The following SCRG1 variants were observed in gnomAD, a reference collection of about 807,000 sequenced individuals.
SCRG1 encodes scrapie-responsive protein 1.
A neutral mutation model predicts 7.7 loss-of-function variants in SCRG1; 3 were observed. The observed-to-expected ratio is 0.39, with a 90% CI of 0.18 to 1.01. The LOEUF is 1.01. SCRG1 is among the 50% of genes least tolerant of loss of function. The pLI, the probability that SCRG1 is intolerant of heterozygous loss-of-function variation, is 0.36. For missense variants in SCRG1, 110 were observed against 117.2 expected, an observed-to-expected ratio of 0.94 and a Z score of 0.28; for synonymous variants, 46 against 41.2, an observed-to-expected ratio of 1.12 and a Z score of -0.44.
chr4:173,400,309 G>A (rs1432093124), upstream of SCRG1, among the ~76,000 whole-genome samples: 4 of 152,200 alleles, frequency 2.6e-5, no homozygotes, highest in Admixed American at 6.5e-5. Context: ...GCCTTTGGAC[G>A]ATGATACTGT....
the SCRG1 span, among the ~76,000 whole-genome samples, chr4:173,476,094 A>G: frequency 1.3e-5 from 2 of 151,868 alleles, no homozygotes; most frequent in East Asian, 1.9e-4. Context: ...TTTATATTAT[A>G]TATATTTTAT....
At chr4:173,503,052 G>A in the SCRG1 span, among the ~76,000 whole-genome samples, 2 of 152,306 alleles carry the variant, frequency 1.3e-5, no homozygotes, top group East Asian at 3.9e-4. The surrounding 1 kb of genome is among the most constrained non-coding windows in gnomAD (Gnocchi z 6.4). Context: ...TCAGGGAGGG[G>A]CAGTGGAATT....
the SCRG1 span, among the ~76,000 whole-genome samples, chr4:173,442,745 G>C: frequency 6.6e-6 from 1 of 152,156 alleles, no homozygotes; most frequent in African/African-American, 2.4e-5. Flanking sequence ...ATATCATCGT[G>C]GAAGGGCAAG....
the SCRG1 span, among the ~76,000 whole-genome samples, chr4:173,515,060 G>C: frequency 6.6e-6 from 1 of 152,190 alleles, no homozygotes; most frequent in African/African-American, 2.4e-5. This position sits in a 1 kb window ranked among gnomAD's most constrained non-coding sequence, Gnocchi z 4.6. Flanking sequence ...ATTTCACATA[G>C]TGACCAGGAG....
the SCRG1 span, among the ~76,000 whole-genome samples, chr4:173,477,570 G>C: frequency 2.6e-5 from 4 of 152,266 alleles, no homozygotes; most frequent in East Asian, 3.9e-4. Context: ...TTCTATCTGG[G>C]AGTGGAGGAA....
the SCRG1 span, among the ~76,000 whole-genome samples, chr4:173,518,539 C>T: frequency 6.6e-6 from 1 of 152,254 alleles, no homozygotes; most frequent in East Asian, 1.9e-4. Flanking sequence ...CTCTATGCTC[C>T]CCCTCTCACC....
At chr4:173,391,134 C>T in intron 2 of SCRG1, 39 bp downstream of exon 2, 7 of 1,605,614 alleles carry the variant, frequency 4.4e-6, no homozygotes, top group Non-Finnish European at 6.0e-6. Context: ...GTTCTGCATA[C>T]ATTTCCAGGC....
the SCRG1 span, among the ~76,000 whole-genome samples, chr4:173,436,000 G>C: frequency 2.6e-5 from 4 of 152,194 alleles, no homozygotes; most frequent in African/African-American, 9.7e-5. Flanking sequence ...AGTTTTGGCA[G>C]TGAAACAGCT....
the SCRG1 span, among the ~76,000 whole-genome samples, chr4:173,457,201 T>C: frequency 2.6e-5 from 4 of 152,186 alleles, no homozygotes; most frequent in Non-Finnish European, 5.9e-5. Context: ...AGAGGGGACT[T>C]TTCCACAAAG....
the SCRG1 span, among the ~76,000 whole-genome samples, chr4:173,413,385 C>T: frequency 6.6e-6 from 1 of 152,202 alleles, no homozygotes; most frequent in African/African-American, 2.4e-5. Context: ...ATTACAAGCT[C>T]ATTCCACAGA....
chr4:173,508,294 T>A, the SCRG1 span, among the ~76,000 whole-genome samples: 2 of 152,256 alleles, frequency 1.3e-5, no homozygotes, highest in Admixed American at 1.3e-4. This position sits in a 1 kb window ranked among gnomAD's most constrained non-coding sequence, Gnocchi z 4.4. Flanking sequence ...TGGGAAGAGA[T>A]GACAAGAGGT....
At chr4:173,518,470 C>T in the SCRG1 span, among the ~76,000 whole-genome samples, 4 of 152,222 alleles carry the variant, frequency 2.6e-5, no homozygotes, top group Non-Finnish European at 5.9e-5. Flanking sequence ...GAATGCGAAA[C>T]TCGGGACCCA....
chr4:173,492,376 C>G, the SCRG1 span, among the ~76,000 whole-genome samples: 1 of 152,140 alleles, frequency 6.6e-6, no homozygotes, highest in Non-Finnish European at 1.5e-5. Flanking sequence ...TTGACGACCT[C>G]TCCTGGATTG....
At chr4:173,423,263 A>G in the SCRG1 span, among the ~76,000 whole-genome samples, 1 of 152,346 alleles carries the variant, frequency 6.6e-6, no homozygotes, top group East Asian at 1.9e-4. Flanking sequence ...TCTTTTGAAG[A>G]TGTTTTTAAT....
chr4:173,480,369 TG>T, the SCRG1 span, among the ~76,000 whole-genome samples: 2 of 152,046 alleles, frequency 1.3e-5, no homozygotes, highest in Non-Finnish European at 2.9e-5. Context: ...TTGTTTGTTT[TG>T]TTTTTTTTTA....
chr4:173,502,505 C>T, the SCRG1 span, among the ~76,000 whole-genome samples: 1 of 152,184 alleles, frequency 6.6e-6, no homozygotes, highest in Non-Finnish European at 1.5e-5. This position sits in a 1 kb window ranked among gnomAD's most constrained non-coding sequence, Gnocchi z 4.6. Flanking sequence ...TGTTTCCGCT[C>T]TCCGTTGCCT....
the SCRG1 span, among the ~76,000 whole-genome samples, chr4:173,465,305 CA>C: frequency 6.6e-6 from 1 of 152,144 alleles, no homozygotes; most frequent in South Asian, 2.1e-4. Context: ...ACAACACACA[CA>C]AAATCCTGAC....
chr4:173,482,956 G>GTTGTATATATAATATATAATATATTA, the SCRG1 span, among the ~76,000 whole-genome samples: 1 of 131,054 alleles, frequency 7.6e-6, no homozygotes, highest in Non-Finnish European at 1.5e-5. Flanking sequence ...ATAATATATT[G>GTTGTATATATAATATATAATATATTA]TACATATTGT....
chr4:173,507,296 G>A, the SCRG1 span, among the ~76,000 whole-genome samples: 1 of 152,098 alleles, frequency 6.6e-6, no homozygotes, highest in Non-Finnish European at 1.5e-5. The surrounding 1 kb of genome is among the most constrained non-coding windows in gnomAD (Gnocchi z 4.4). Flanking sequence ...TGCAACCTCC[G>A]CCTCCCGGGT....
Sources: gnomAD v4.1 joint callset for allele counts (sites outside exome capture counted in the v4.1 genomes callset) on GRCh38, gnomAD v4.1.1 for gene constraint, Gnocchi (gnomAD v3.1) non-coding constraint, MANE v1.5 for transcripts, NCBI Gene and HGNC (gene_info 2026-07-23, HGNC 2026-07-21) for gene names.